DZIP3: variants seen among roughly 807,000 people sequenced by gnomAD.
The protein encoded by DZIP3 is DAZ interacting zinc finger protein 3.
Under a neutral mutation model 162.0 loss-of-function variants are expected in DZIP3, and 118 were observed. The ratio of observed to expected loss-of-function variants is 0.73; its 90% confidence interval spans 0.63 to 0.85. The LOEUF (loss-of-function observed/expected upper bound fraction) is 0.85. Ranked by LOEUF, DZIP3 falls within the 40% of genes least tolerant of loss-of-function variation. The pLI is 0.00. For missense variants in DZIP3, 1,331 were observed against 1,407.0 expected (o/e 0.95, Z 0.86); for synonymous variants, 438 against 458.6 (o/e 0.96, Z 0.57).
At position 108,678,474 on chromosome 3, in the gene DZIP3, C is replaced by T. The variant is rs112254217; in HGVS notation, c.2883+876C>T. Among the ~76,000 whole-genome samples the T allele has an allele frequency of 6.9e-3, 1,042 of 152,016 alleles. 5 individuals carry two copies. The highest frequency in any genetic ancestry group is 0.024 in the African/African-American group (983 of 41,476). ...AATGTAATACCCTGCATGGCTGGAC[C>T]TCACCTCTGCATTTCTACTTTAGAC... On this transcript the variant is annotated intron_variant, in intron 26 of 32. Transcript: ENST00000361582.
At chr3:108,631,055 A>ACACACACACACCCTCTCT in intron 8 of DZIP3, among the ~76,000 whole-genome samples, 1 of 18,006 alleles carries the variant, frequency 5.6e-5, no homozygotes, top group Non-Finnish European at 9.0e-5. Context: ...ACACACACAC[A>ACACACACACACCCTCTCT]CTCTCTCTCT....
In DZIP3 at chr3:108,684,301, C is replaced by T. The variant is rs140068430; in HGVS notation, c.2969C>T (p.Pro990Leu). ...LTVPQMPAVC[P>L]GVVSATGQPR... ...GTTCCTCAAATGCCTGCAGTTTGCC[C>T]GGGAGTCGTCTCTGCAACTGGCCAA... The change falls in exon 27 of 33, where the codon CCG (proline) becomes CTG (leucine). Residue 990 changes from proline to leucine, a missense_variant. Transcript: ENST00000361582. 425 of 1,612,906 alleles carry T rather than the reference C, an allele frequency of 2.6e-4. 1 individual carries two copies. Among genetic ancestry groups the T allele is most frequent in the Non-Finnish European group, 3.3e-4 (385 of 1,179,530 alleles).
intron 4 of DZIP3, among the ~76,000 whole-genome samples, chr3:108,614,737 A>G (rs1940910640): frequency 6.6e-6 from 1 of 152,160 alleles, no homozygotes; most frequent in Non-Finnish European, 1.5e-5. Flanking sequence ...CTTGGGAGTT[A>G]TTATATGAAT....
intron 21 of DZIP3, among the ~76,000 whole-genome samples, chr3:108,664,093 A>G (rs2107313182): frequency 6.6e-6 from 1 of 152,332 alleles, no homozygotes; most frequent in African/African-American, 2.4e-5. Context: ...ATAAGAAAGC[A>G]TGCTGTCTAA....
chr3:108,616,265 AAAAT>A (rs200164808), intron 4 of DZIP3, among the ~76,000 whole-genome samples: 35,718 of 145,160 alleles, frequency 0.25, 4,722 homozygotes, highest in South Asian at 0.42. Flanking sequence ...CTCCATCTCA[AAAAT>A]AAATAAATAA....
At chr3:108,634,391 A>G in intron 9 of DZIP3, among the ~76,000 whole-genome samples, 1 of 152,174 alleles carries the variant, frequency 6.6e-6, no homozygotes, top group East Asian at 1.9e-4. Context: ...CAGGCAGGGT[A>G]CAGTGGGAAA....
At chr3:108,692,771 A>T (rs1013548790) in intron 32 of DZIP3, among the ~76,000 whole-genome samples, 3 of 152,056 alleles carry the variant, frequency 2.0e-5, no homozygotes, top group Non-Finnish European at 4.4e-5. Context: ...AAGTTTGCCA[A>T]GTTCCCCCAG....
At chr3:108,625,729 T>C (rs1190059729) in intron 6 of DZIP3, 116 bp from the exon 7 acceptor site, 67 of 1,012,172 alleles carry the variant, frequency 6.6e-5, no homozygotes, top group Non-Finnish European at 9.0e-5. Context: ...AATGACCAGA[T>C]GATTGTATTA....
At chr3:108,640,378 C>G (rs1482010336) in intron 12 of DZIP3, among the ~76,000 whole-genome samples, 1 of 143,878 alleles carries the variant, frequency 7.0e-6, no homozygotes, top group African/African-American at 2.6e-5. Context: ...ATGCTACACA[C>G]ACATCTAGAA....
Position 108,674,072 on chromosome 3 carries a change from C to T in DZIP3, c.2590-6C>T. ...ACTTCTTTCTCTTTCTCTCAAAAAC[C>T]TGTAGGTGTATTTCTTACAGTGTCG... On this transcript the variant is annotated splice_region_variant and splice_polypyrimidine_tract_variant and intron_variant, in intron 23 of 32. Transcript: ENST00000361582. 3 of 1,604,048 alleles carry T rather than the reference C, an allele frequency of 1.9e-6. No homozygotes were observed. The South Asian group carries it at 3.3e-5, about 18-fold the overall frequency.
rs34733401 is a variant in DZIP3 at position 108,640,396 on chromosome 3, C to CTTTTT, written c.1065-2029_1065-2025dup. ...CTACACACACATCTAGAATTGTTAC[C>CTTTTT]TTTTTTTTTTTTTTTTTGACAATTT... On this transcript the variant is annotated intron_variant, in intron 12 of 32. Coordinates refer to ENST00000361582, the MANE Select transcript of DZIP3 (RefSeq NM_014648.4). Among the ~76,000 whole-genome samples, 19 of 101,870 alleles carry CTTTTT rather than the reference C, an allele frequency of 1.9e-4. 1 individual carries two copies. Among genetic ancestry groups the CTTTTT allele is most frequent in the African/African-American group, 7.3e-4 (18 of 24,504 alleles). The allele number at this position is 101,870 out of a possible 152,430, so 66.8% of individuals were successfully genotyped here.
intron 12 of DZIP3, among the ~76,000 whole-genome samples, chr3:108,641,375 T>A (rs1288126900): frequency 6.6e-6 from 1 of 152,210 alleles, no homozygotes; most frequent in Admixed American, 6.5e-5. Flanking sequence ...ATTCTTACTA[T>A]TATAGTTGTA....
chr3:108,648,302 C>A (rs1043726762), intron 16 of DZIP3, 190 bp downstream of exon 16: 4 of 482,152 alleles, frequency 8.3e-6, no homozygotes, highest in Non-Finnish European at 1.4e-5. Flanking sequence ...CCTGCCATAA[C>A]CATTTATTTT....
At chr3:108,624,123 A>G (rs568720863) in intron 5 of DZIP3, among the ~76,000 whole-genome samples, 8 of 152,128 alleles carry the variant, frequency 5.3e-5, no homozygotes, top group Admixed American at 2.6e-4. Flanking sequence ...GGGCTTTTCT[A>G]TGGGGTATTT....
chr3:108,607,024 T>G (rs932107796), intron 2 of DZIP3, among the ~76,000 whole-genome samples: 1 of 152,184 alleles, frequency 6.6e-6, no homozygotes, highest in Admixed American at 6.5e-5. Flanking sequence ...TGCTGCAGTA[T>G]TTTTCATTCC....
At chr3:108,615,737 A>T (rs957287035) in intron 4 of DZIP3, among the ~76,000 whole-genome samples, 3 of 152,246 alleles carry the variant, frequency 2.0e-5, no homozygotes, top group Non-Finnish European at 1.5e-5. Context: ...AATAAACTAT[A>T]GTACATAATA....
Position 108,642,623 on chromosome 3 carries a change from C to T in DZIP3, c.1141+109C>T. ...CCACGTCTTTACTGTGTTTGTCATT[C>T]ACTGAGCTTGGGTTTATACCAGCAA... On this transcript the variant is annotated intron_variant, in intron 13 of 32. Transcript: ENST00000361582. 5 of 1,215,286 alleles carry T rather than the reference C, an allele frequency of 4.1e-6. No homozygotes were observed. The South Asian group carries it at 6.4e-5, about 16-fold the overall frequency. The allele number at this position is 1,215,286 out of a possible 1,614,324, so 75.3% of individuals were successfully genotyped here.
In DZIP3 at chr3:108,669,456, T is replaced by A. The variant is rs139914056; in HGVS notation, c.2424-225T>A. On this transcript the variant is annotated intron_variant, in intron 21 of 32. Coordinates refer to ENST00000361582, the MANE Select transcript of DZIP3 (RefSeq NM_014648.4). ...CTCTTTTGCTTTCTAATTTACTGAA[T>A]TAGAACTTAGTTCCCCTTTCTTTGG... Among the ~76,000 whole-genome samples, 30 of 152,008 alleles carry A rather than the reference T, an allele frequency of 2.0e-4. 1 individual carries two copies. The East Asian group carries it at 5.8e-3, about 29-fold the overall frequency.
intron 8 of DZIP3, 131 bp from the exon 9 acceptor site, chr3:108,632,822 A>G: frequency 2.5e-6 from 1 of 397,366 alleles, no homozygotes; most frequent in South Asian, 9.2e-5. Context: ...TTAAAAAAAT[A>G]CATATATACA....
Sources: allele counts gnomAD v4.1 joint callset (sites outside exome capture counted in the v4.1 genomes callset), GRCh38; gene constraint gnomAD v4.1.1; transcripts MANE v1.5; gene names NCBI Gene and HGNC (gene_info 2026-07-23, HGNC 2026-07-21).